CMSS1: variants seen among roughly 807,000 people sequenced by gnomAD.
The protein encoded by CMSS1 is cms1 ribosomal small subunit homolog.
In CMSS1, 33 loss-of-function variants were observed where a neutral mutation model predicts 43.5. The observed-to-expected ratio is 0.76, with a 90% CI of 0.57 to 1.01. The LOEUF is 1.01. CMSS1 is among the 50% of genes least tolerant of loss of function. CMSS1 has a pLI of 0.00. For missense variants in CMSS1, 313 were observed against 326.4 expected (o/e 0.96, Z 0.32); for synonymous variants, 115 against 117.2 (o/e 0.98, Z 0.12).
intron 1 of CMSS1, among the ~76,000 whole-genome samples, chr3:99,944,358 A>G (rs759291306): frequency 3.3e-5 from 5 of 152,196 alleles, no homozygotes; most frequent in Non-Finnish European, 1.5e-5. Context: ...CAAGCTGGCT[A>G]CAGCTGTTCC....
At chr3:100,071,779 TTG>T (rs1283013224) in intron 1 of CMSS1, among the ~76,000 whole-genome samples, 7 of 152,170 alleles carry the variant, frequency 4.6e-5, no homozygotes, top group African/African-American at 7.2e-5. Flanking sequence ...TCACCTCTTA[TTG>T]TCTTCTTCCT....
Position 99,955,241 on chromosome 3 carries a change from C to T in CMSS1, c.64+137198C>T, listed in dbSNP as rs138335536. 6.7e-3 allele frequency among the ~76,000 whole-genome samples: 1,025 copies of T among 152,260 alleles called. 3 individuals carry two copies. Among genetic ancestry groups the T allele is most frequent in the African/African-American group, 8.5e-3 (355 of 41,540 alleles). ...CTCTGTAGTAATAAAGTGGCATGCT[C>T]ACACAGAGGATGGAACAGAGCTATT... On this transcript the variant is annotated intron_variant, in intron 1 of 9. Transcript: ENST00000421999.
At chr3:100,126,142 A>G (rs925263525) in intron 1 of CMSS1, among the ~76,000 whole-genome samples, 3 of 152,332 alleles carry the variant, frequency 2.0e-5, no homozygotes, top group African/African-American at 7.2e-5. Context: ...AACTGTTCCT[A>G]CAGCTAGTGG....
At chr3:100,080,053 TC>T (rs1224612893) in intron 1 of CMSS1, among the ~76,000 whole-genome samples, 6 of 152,154 alleles carry the variant, frequency 3.9e-5, no homozygotes, top group Non-Finnish European at 7.3e-5. Flanking sequence ...ATTAACGGTG[TC>T]AACACTGGGT....
chr3:99,859,292 G>A (rs1452688729), intron 1 of CMSS1, among the ~76,000 whole-genome samples: 4 of 152,196 alleles, frequency 2.6e-5, no homozygotes, highest in African/African-American at 9.7e-5. Context: ...CCCAAAACCT[G>A]CCTGTATTCT....
chr3:100,076,315 C>G (rs1373216886), intron 1 of CMSS1, among the ~76,000 whole-genome samples: 1 of 152,130 alleles, frequency 6.6e-6, no homozygotes, highest in Non-Finnish European at 1.5e-5. Flanking sequence ...TGCTTTTCAT[C>G]TTTCTGAAAG....
At chr3:100,017,282 C>T (rs1710372544) in intron 1 of CMSS1, among the ~76,000 whole-genome samples, 1 of 152,172 alleles carries the variant, frequency 6.6e-6, no homozygotes, top group Admixed American at 6.5e-5. Context: ...TAACATGTTA[C>T]ATCAGCAAAG....
At chr3:99,975,486 G>A (rs1708942196) in intron 1 of CMSS1, among the ~76,000 whole-genome samples, 1 of 152,124 alleles carries the variant, frequency 6.6e-6, no homozygotes, top group African/African-American at 2.4e-5. Context: ...CAGCTACTCG[G>A]GAGGCTGAGG....
At chr3:99,974,449 C>G (rs1296728495) in intron 1 of CMSS1, among the ~76,000 whole-genome samples, 1 of 152,156 alleles carries the variant, frequency 6.6e-6, no homozygotes, top group Non-Finnish European at 1.5e-5. Context: ...GTGGCTCACG[C>G]CTGTAATCAC....
chr3:99,882,179 ATAAGAG>A (rs1251339637), intron 1 of CMSS1, among the ~76,000 whole-genome samples: 10 of 152,254 alleles, frequency 6.6e-5, no homozygotes, highest in African/African-American at 2.4e-4. Context: ...AAGTAAAAAA[ATAAGAG>A]TAAAACTATT....
At chr3:100,010,355 G>A (rs1298245833) in intron 1 of CMSS1, among the ~76,000 whole-genome samples, 3 of 152,026 alleles carry the variant, frequency 2.0e-5, no homozygotes, top group Admixed American at 6.5e-5. Flanking sequence ...ATGTAACTGA[G>A]TATATTTACA....
intron 2 of CMSS1, among the ~76,000 whole-genome samples, chr3:100,153,659 T>C (rs2066942972): frequency 6.6e-6 from 1 of 152,328 alleles, no homozygotes; most frequent in Non-Finnish European, 1.5e-5. Context: ...ACACCTCATT[T>C]AACCTTAGTT....
chr3:99,917,398 A>AC lies in CMSS1; in HGVS notation c.64+99357dup, dbSNP rs1265506209. ...GTAACACCAGGCACATAGTTTGAGT[A>AC]CCTAGGAATGATTCTAGGGATATTC... On this transcript the variant is annotated intron_variant, in intron 1 of 9. Transcript: ENST00000421999. Among the ~76,000 whole-genome samples, 8 of 152,286 alleles carry AC rather than the reference A, an allele frequency of 5.3e-5. No individual in the cohort carries two copies. In the East Asian group the frequency reaches 1.5e-3, roughly 29 times the overall value.
chr3:99,887,261 C>T (rs918678224), intron 1 of CMSS1, among the ~76,000 whole-genome samples: 1 of 151,324 alleles, frequency 6.6e-6, no homozygotes, highest in South Asian at 2.1e-4. Flanking sequence ...CAGCAAAACT[C>T]CATCTCAAAA....
chr3:99,913,199 G>A (rs1706846428), intron 1 of CMSS1, among the ~76,000 whole-genome samples: 1 of 152,130 alleles, frequency 6.6e-6, no homozygotes, highest in Non-Finnish European at 1.5e-5. Context: ...TTGTTTACAA[G>A]CCACCCAATC....
chr3:100,013,214 G>GTGTTGTTGTTGT lies in CMSS1; in HGVS notation c.65-133724_65-133713dup, dbSNP rs35047568. Among the ~76,000 whole-genome samples, 390 of 145,520 alleles carry GTGTTGTTGTTGT rather than the reference G, an allele frequency of 2.7e-3. 4 individuals are homozygous for GTGTTGTTGTTGT. Among genetic ancestry groups the GTGTTGTTGTTGT allele is most frequent in the East Asian group, 8.4e-3 (39 of 4,638 alleles). Reference sequence around the variant, plus strand: ...AGCAGCCCATTTCAAGGCCAGTGAGGTGTTGTTGTTGTTGTTGTTGTTGTT... The same window carrying GTGTTGTTGTTGT: ...AGCAGCCCATTTCAAGGCCAGTGAGGTGTTGTTGTTGTTGTTGTTGTTGTTGTTGTTGTTGTT... On this transcript the variant is annotated intron_variant, in intron 1 of 9. Transcript: ENST00000421999.
intron 1 of CMSS1, among the ~76,000 whole-genome samples, chr3:99,933,954 C>A (rs2107666900): frequency 6.6e-6 from 1 of 152,348 alleles, no homozygotes; most frequent in South Asian, 2.1e-4. Context: ...GGTTACTCCA[C>A]AGCTTCAGCT....
intron 1 of CMSS1, among the ~76,000 whole-genome samples, chr3:100,096,876 C>A (rs891553544): frequency 2.6e-5 from 4 of 151,722 alleles, no homozygotes; most frequent in Non-Finnish European, 5.9e-5. Context: ...TCTCATATAC[C>A]CCATAAATAT....
intron 1 of CMSS1, among the ~76,000 whole-genome samples, chr3:99,862,653 T>C (rs144930041): frequency 6.6e-5 from 10 of 152,310 alleles, no homozygotes; most frequent in Admixed American, 2.0e-4. Flanking sequence ...CTACTGAATG[T>C]CTCCAGACAT....
Sources: allele counts gnomAD v4.1 joint callset (sites outside exome capture counted in the v4.1 genomes callset), GRCh38; gene constraint gnomAD v4.1.1; transcripts MANE v1.5; gene names NCBI Gene and HGNC (gene_info 2026-07-23, HGNC 2026-07-21).